Variants in ELOVL6 observed in about 807,000 individuals in gnomAD.
ELOVL6 encodes the protein ELOVL fatty acid elongase 6.
In ELOVL6, 8 loss-of-function variants were observed where a neutral mutation model predicts 31.7. The ratio of observed to expected loss-of-function variants is 0.25; its 90% CI spans 0.15 to 0.45. The LOEUF (loss-of-function observed/expected upper bound fraction) is 0.45. Among genes scored for constraint, ELOVL6 ranks in the 20% least tolerant of loss-of-function variants. The pLI is 1.00. For synonymous variants in ELOVL6, 101 were observed against 117.7 expected (o/e 0.86, Z 0.92); for missense variants, 126 against 326.4 (o/e 0.39, Z 4.73).
intron 1 of ELOVL6, among the ~76,000 whole-genome samples, chr4:110,174,458 G>A (rs527329720): frequency 3.0e-4 from 45 of 152,244 alleles, no homozygotes; most frequent in Admixed American, 7.8e-4. Flanking sequence ...GAGCCACTGC[G>A]CCTGGCCTTC....
At chr4:110,158,657 A>ATTTTT (rs1184682018) in intron 1 of ELOVL6, among the ~76,000 whole-genome samples, 24 of 74,148 alleles carry the variant, frequency 3.2e-4, no homozygotes, top group South Asian at 4.2e-4. Context: ...ATATATATAT[A>ATTTTT]TTTTTTTTTT....
chr4:110,048,447 C>T lies in ELOVL6; in HGVS notation c.*2891G>A, dbSNP rs961349272. 2.6e-5 allele frequency: 4 copies of T among 152,092 alleles called. No individual in the cohort carries two copies. The highest frequency in any genetic ancestry group is 2.1e-4 in the South Asian group (1 of 4,820). 9.4% of individuals were successfully genotyped at this position (152,092 alleles called of 1,614,324 possible). On this transcript the variant is annotated 3_prime_UTR_variant, in exon 4 of 4. Coordinates refer to ENST00000302274, the MANE Select transcript of ELOVL6 (RefSeq NM_024090.3). ...AACAATGCTTTCACCATAGTAGGAT[C>T]GGGATGCAGTGGAAAATCTTCAATA...
rs569727182 is a variant in ELOVL6, at chr4:110,142,642, A to G, written c.90-37014T>C. ...TGAACTCTTGCTCTCTGGATAATCA[A>G]ATGGGTCCTTCCTCCTTCAGGTAGA... On this transcript the variant is annotated intron_variant, in intron 1 of 3. Transcript: ENST00000302274. Among the ~76,000 whole-genome samples the G allele has an allele frequency of 5.9e-5, 9 of 152,314 alleles. No homozygotes were observed. The South Asian group carries it at 1.9e-3, about 32-fold the overall frequency.
Position 110,143,038 on chromosome 4 carries a change from T to C in ELOVL6, c.90-37410A>G, listed in dbSNP as rs537148988. Among the ~76,000 whole-genome samples, 7 of 152,328 alleles carry C rather than the reference T, an allele frequency of 4.6e-5. No individual in the cohort carries two copies. In the South Asian group the frequency reaches 1.2e-3, roughly 27 times the overall value. On this transcript the variant is annotated intron_variant, in intron 1 of 3. Coordinates refer to ENST00000302274, the MANE Select transcript of ELOVL6 (RefSeq NM_024090.3). ...GTTAGAAGCTAATAGCCTACCTCTCTACCAGGAAGGAACTGTGGGCTGGAA... is the reference window on the plus strand; with the variant it reads ...GTTAGAAGCTAATAGCCTACCTCTCCACCAGGAAGGAACTGTGGGCTGGAA...
chr4:110,194,503 T>TA (rs1359927420), intron 1 of ELOVL6, among the ~76,000 whole-genome samples: 2 of 152,108 alleles, frequency 1.3e-5, no homozygotes, highest in Admixed American at 6.6e-5. Context: ...GCTAGCAAAG[T>TA]AAAAAAAGTC....
At chr4:110,149,675 C>T (rs1235241409) in intron 1 of ELOVL6, among the ~76,000 whole-genome samples, 1 of 152,152 alleles carries the variant, frequency 6.6e-6, no homozygotes, top group Non-Finnish European at 1.5e-5. Context: ...TGTTGCTCCA[C>T]TGATGGATGC....
chr4:110,118,132 A>G (rs1757242304), intron 1 of ELOVL6: 1 of 148,794 alleles, frequency 6.7e-6, no homozygotes, highest in Non-Finnish European at 1.5e-5. Flanking sequence ...CTAGTTTTGT[A>G]TTTTTGGTGG....
chr4:110,098,557 G>C (rs1015599342), intron 2 of ELOVL6, among the ~76,000 whole-genome samples: 1 of 151,998 alleles, frequency 6.6e-6, no homozygotes, highest in African/African-American at 2.4e-5. Flanking sequence ...CTCTCTGGTC[G>C]TATTTCTCTC....
intron 1 of ELOVL6, among the ~76,000 whole-genome samples, chr4:110,131,721 C>G (rs1757675182): frequency 6.6e-6 from 1 of 152,202 alleles, no homozygotes; most frequent in Admixed American, 6.5e-5. Context: ...CCAAATGATT[C>G]TGTCATTGCC....
chr4:110,074,354 G>T (rs1421924112), intron 2 of ELOVL6, among the ~76,000 whole-genome samples: 1 of 152,130 alleles, frequency 6.6e-6, no homozygotes, highest in African/African-American at 2.4e-5. Flanking sequence ...AACCAAGCTT[G>T]GTTGAATCTG....
intron 1 of ELOVL6, among the ~76,000 whole-genome samples, chr4:110,175,576 T>A (rs1394931344): frequency 6.6e-6 from 1 of 152,224 alleles, no homozygotes; most frequent in Non-Finnish European, 1.5e-5. Flanking sequence ...TTACATATAT[T>A]AACTCATTTA....
At chr4:110,057,285 T>G (rs897873969) in intron 3 of ELOVL6, among the ~76,000 whole-genome samples, 1 of 151,966 alleles carries the variant, frequency 6.6e-6, no homozygotes, top group Non-Finnish European at 1.5e-5. Flanking sequence ...CCAGCCATAG[T>G]CTAGTCTCCT....
rs1754765185 is a variant in ELOVL6, at chr4:110,048,879, G to A, written c.*2459C>T. 1 of 152,142 alleles carries A rather than the reference G, an allele frequency of 6.6e-6. No individual in the cohort carries two copies. Among genetic ancestry groups the A allele is most frequent in the Non-Finnish European group, 1.5e-5 (1 of 68,036 alleles). 9.4% of individuals were successfully genotyped at this position (152,142 alleles called of 1,614,324 possible). A position where few individuals can be genotyped will look rare whatever the true frequency, so the allele number is the denominator to read the frequency against. ...ATGAACCTAATACCAAAATGAAAGTGCTTTGGAAGCATCATTTAGAGTCTT... is the reference window on the plus strand; with the variant it reads ...ATGAACCTAATACCAAAATGAAAGTACTTTGGAAGCATCATTTAGAGTCTT... On this transcript the variant is annotated 3_prime_UTR_variant, in exon 4 of 4. Transcript: ENST00000302274.
chr4:110,105,364 A>C, intron 2 of ELOVL6, 133 bp downstream of exon 2: 1 of 953,136 alleles, frequency 1.0e-6, no homozygotes, highest in Middle Eastern at 3.3e-4. Flanking sequence ...CTTTCTGAAC[A>C]TGACTTTATT....
rs1280284068 is a variant in ELOVL6, at chr4:110,048,160, A to T, written c.*3178T>A. The T allele has an allele frequency of 6.6e-6, 1 of 152,162 alleles. No homozygotes were observed. The highest frequency in any genetic ancestry group is 1.5e-5 in the Non-Finnish European group (1 of 68,032). The allele number at this position is 152,162 out of a possible 1,614,324, so 9.4% of individuals were successfully genotyped here. ...CCCCTTACTTTTGTAGTGGAGCATA[A>T]TTAGAAGGATGGGAGTAAGTGACTT... is the stretch of plus-strand genomic sequence containing the variant. On this transcript the variant is annotated 3_prime_UTR_variant, in exon 4 of 4. Transcript: ENST00000302274.
chr4:110,183,144 C>T (rs779625795), intron 1 of ELOVL6, among the ~76,000 whole-genome samples: 56 of 152,136 alleles, frequency 3.7e-4, no homozygotes, highest in Admixed American at 1.2e-3. Context: ...CAAAAAAACA[C>T]CCAAAATATG....
At chr4:110,077,552 CA>C (rs1020582109) in intron 2 of ELOVL6, among the ~76,000 whole-genome samples, 3 of 152,142 alleles carry the variant, frequency 2.0e-5, no homozygotes, top group Non-Finnish European at 4.4e-5. Context: ...GGAAAACTAA[CA>C]AACAGAAAGG....
At chr4:110,170,050 G>A (rs1193766172) in intron 1 of ELOVL6, among the ~76,000 whole-genome samples, 1 of 151,090 alleles carries the variant, frequency 6.6e-6, no homozygotes, top group African/African-American at 2.5e-5. Context: ...CCTAACCTCA[G>A]GTGATCCACC....
At chr4:110,096,303 C>A (rs965300850) in intron 2 of ELOVL6, among the ~76,000 whole-genome samples, 2 of 152,146 alleles carry the variant, frequency 1.3e-5, no homozygotes, top group Non-Finnish European at 2.9e-5. Context: ...AAAATTCCAT[C>A]TTACTTTTAA....
Sources: gnomAD v4.1 joint callset for allele counts (sites outside exome capture counted in the v4.1 genomes callset) on GRCh38, gnomAD v4.1.1 for gene constraint, MANE v1.5 for transcripts, NCBI Gene and HGNC (gene_info 2026-07-23, HGNC 2026-07-21) for gene names.